Variants in FBXO15 observed in about 807,000 individuals in gnomAD.
The protein encoded by FBXO15 is F-box only protein 15.
FBXO15 carries 30 observed loss-of-function variants against 49.5 expected under a neutral mutation model. That is an observed-to-expected ratio of 0.61 (90% CI 0.45 to 0.82). FBXO15 has a LOEUF of 0.82. Ranked by LOEUF, FBXO15 falls within the 40% of genes least tolerant of loss-of-function variation. The pLI is 0.00. For missense variants in FBXO15, 591 were observed against 631.5 expected, an observed-to-expected ratio of 0.94 and a Z score of 0.69; for synonymous variants, 250 against 232.7, an observed-to-expected ratio of 1.07 and a Z score of -0.68.
At chr18:74,101,518 T>C (rs111621154) in intron 8 of FBXO15, among the ~76,000 whole-genome samples, 3,260 of 152,200 alleles carry the variant, frequency 0.021, 126 homozygotes, top group African/African-American at 0.071. Context: ...AGAATTGATA[T>C]TGTGAAAATG....
intron 8 of FBXO15, among the ~76,000 whole-genome samples, chr18:74,119,733 C>T (rs935415528): frequency 2.6e-5 from 4 of 151,956 alleles, no homozygotes; most frequent in African/African-American, 4.8e-5. Context: ...AAAGCTGCAG[C>T]GGAGCTAGAG....
intron 2 of FBXO15, among the ~76,000 whole-genome samples, chr18:74,139,447 T>C (rs545935840): frequency 1.3e-5 from 2 of 152,262 alleles, no homozygotes; most frequent in African/African-American, 4.8e-5. Context: ...CTGAAATTAA[T>C]GTCCTTAATG....
chr18:74,119,829 G>A (rs887461692), intron 8 of FBXO15, among the ~76,000 whole-genome samples: 1 of 152,170 alleles, frequency 6.6e-6, no homozygotes, highest in African/African-American at 2.4e-5. Flanking sequence ...GACACACAGG[G>A]CTCTGTAACG....
intron 8 of FBXO15, chr18:74,097,560 T>C (rs746008689): frequency 6.6e-6 from 1 of 152,422 alleles, no homozygotes; most frequent in Non-Finnish European, 1.5e-5. Context: ...CACAGCTCCA[T>C]TGATGTGGGA....
At chr18:74,143,375 A>AT (rs1156636204) in intron 1 of FBXO15, among the ~76,000 whole-genome samples, 4 of 152,222 alleles carry the variant, frequency 2.6e-5, no homozygotes, top group African/African-American at 9.6e-5. Flanking sequence ...TACCAAATAA[A>AT]TGATGATGAT....
chr18:74,147,636 G>C (rs1321205557), intron 1 of FBXO15, 34 bp downstream of exon 1: 2 of 1,376,674 alleles, frequency 1.5e-6, no homozygotes, highest in Non-Finnish European at 1.9e-6. Context: ...CGGGCTTCCC[G>C]CCAGGGGACC....
intron 1 of FBXO15, among the ~76,000 whole-genome samples, chr18:74,143,013 A>G (rs879302326): frequency 1.3e-5 from 2 of 152,218 alleles, no homozygotes; most frequent in Non-Finnish European, 2.9e-5. Flanking sequence ...AATTTCTATC[A>G]TTCCTTCATC....
intron 3 of FBXO15, among the ~76,000 whole-genome samples, chr18:74,135,228 C>A (rs1034706153): frequency 6.6e-6 from 1 of 152,234 alleles, no homozygotes; most frequent in Non-Finnish European, 1.5e-5. Context: ...AAGCGTACAA[C>A]CTCTAGGAGA....
At chr18:74,083,973 T>C (rs1912614019) in intron 8 of FBXO15, among the ~76,000 whole-genome samples, 1 of 152,196 alleles carries the variant, frequency 6.6e-6, no homozygotes, top group Admixed American at 6.5e-5. Context: ...TCATAGGTGA[T>C]AAAACTGATG....
chr18:74,092,533 T>C (rs1469700674), intron 8 of FBXO15, among the ~76,000 whole-genome samples: 1 of 152,276 alleles, frequency 6.6e-6, no homozygotes, highest in East Asian at 1.9e-4. Context: ...GAAGTTGCTG[T>C]CCTTTGGATA....
chr18:74,134,366 A>ATTTTTTT (rs34748425), intron 3 of FBXO15, among the ~76,000 whole-genome samples: 3 of 119,262 alleles, frequency 2.5e-5, no homozygotes, highest in Non-Finnish European at 5.1e-5. Flanking sequence ...GACCTGGAGA[A>ATTTTTTT]TTTTTTTTTT....
At chr18:74,081,223 T>C (rs1912481118) in intron 9 of FBXO15, among the ~76,000 whole-genome samples, 1 of 152,170 alleles carries the variant, frequency 6.6e-6, no homozygotes, top group African/African-American at 2.4e-5. Context: ...CATAGCGCCG[T>C]ATAAAGCCAT....
intron 5 of FBXO15, among the ~76,000 whole-genome samples, chr18:74,126,874 T>C (rs903932180): frequency 1.2e-4 from 18 of 152,270 alleles, no homozygotes; most frequent in African/African-American, 4.1e-4. Flanking sequence ...CCTAGTCCCA[T>C]GTTCAGCTCT....
chr18:74,124,602 T>G (rs777254087), intron 6 of FBXO15, 31 bp from the exon 7 acceptor site: 2 of 1,572,834 alleles, frequency 1.3e-6, no homozygotes, highest in Non-Finnish European at 1.7e-6. Flanking sequence ...AATACATATT[T>G]CAACCAAAAT....
At chr18:74,096,597 A>T (rs556189089) in intron 8 of FBXO15, among the ~76,000 whole-genome samples, 1 of 152,010 alleles carries the variant, frequency 6.6e-6, no homozygotes, top group Non-Finnish European at 1.5e-5. Context: ...ATAGCCATAT[A>T]GCCACAAGAA....
intron 8 of FBXO15, among the ~76,000 whole-genome samples, chr18:74,090,986 T>G (rs1300057863): frequency 1.3e-5 from 2 of 152,182 alleles, no homozygotes; most frequent in Non-Finnish European, 2.9e-5. Flanking sequence ...ATACTGTTAG[T>G]GGGGTACTAA....
intron 8 of FBXO15, among the ~76,000 whole-genome samples, chr18:74,102,316 A>G (rs1048437449): frequency 6.6e-6 from 1 of 152,206 alleles, no homozygotes; most frequent in Non-Finnish European, 1.5e-5. Flanking sequence ...ATAATTCTCA[A>G]AAGAAGATAT....
At chr18:74,095,816 A>T (rs1913246678) in intron 8 of FBXO15, among the ~76,000 whole-genome samples, 1 of 152,212 alleles carries the variant, frequency 6.6e-6, no homozygotes, top group Non-Finnish European at 1.5e-5. Flanking sequence ...TCCAGATCCA[A>T]CATGGTAGCA....
chr18:74,077,895 T>A (rs1912320084), intron 9 of FBXO15, among the ~76,000 whole-genome samples: 1 of 152,202 alleles, frequency 6.6e-6, no homozygotes, highest in Admixed American at 6.5e-5. Flanking sequence ...CCTTAGCCAC[T>A]GGGCTAGCAG....
Sources: allele counts gnomAD v4.1 joint callset (sites outside exome capture counted in the v4.1 genomes callset), GRCh38; gene constraint gnomAD v4.1.1; transcripts MANE v1.5; gene names NCBI Gene and HGNC (gene_info 2026-07-23, HGNC 2026-07-21).